The following ANKRD12 variants were observed in gnomAD, a reference collection of about 807,000 sequenced individuals.
ANKRD12 encodes the protein ankyrin repeat domain-containing protein 12.
A neutral mutation model predicts 183.4 loss-of-function variants in ANKRD12; 85 were observed. That is an observed-to-expected ratio of 0.46 (90% CI 0.39 to 0.56). The LOEUF is 0.56. ANKRD12 is among the 20% of genes least tolerant of loss of function. The probability of loss-of-function intolerance (pLI) is 0.00; values close to 1 mark genes in which losing one functional copy is unlikely to be tolerated. For missense variants in ANKRD12, 2,405 were observed against 2,357.1 expected, an observed-to-expected ratio of 1.02 and a Z score of -0.42; for synonymous variants, 914 against 800.2, an observed-to-expected ratio of 1.14 and a Z score of -2.40.
At chr18:9,280,723 A>C (rs989026649) in intron 12 of ANKRD12, among the ~76,000 whole-genome samples, 7 of 152,022 alleles carry the variant, frequency 4.6e-5, no homozygotes, top group Non-Finnish European at 7.4e-5. Context: ...CAGGAGGCGG[A>C]GGTTGCAGTG....
At chr18:9,187,874 C>A (rs572261317) in intron 2 of ANKRD12, among the ~76,000 whole-genome samples, 1 of 152,174 alleles carries the variant, frequency 6.6e-6, no homozygotes, top group African/African-American at 2.4e-5. Flanking sequence ...ATATCCTTTT[C>A]GTCATCAGTG....
chr18:9,269,663 C>A (rs2039491613), intron 10 of ANKRD12, among the ~76,000 whole-genome samples: 1 of 152,070 alleles, frequency 6.6e-6, no homozygotes, highest in African/African-American at 2.4e-5. Flanking sequence ...AAACCATAAA[C>A]ACCCTAGAAG....
chr18:9,160,122 T>G (rs2031202221), intron 1 of ANKRD12, among the ~76,000 whole-genome samples: 1 of 151,844 alleles, frequency 6.6e-6, no homozygotes, highest in Admixed American at 6.6e-5. Flanking sequence ...ATACAAAATA[T>G]TAGCTGGGTG....
intron 10 of ANKRD12, among the ~76,000 whole-genome samples, chr18:9,270,769 TA>T (rs2039559821): frequency 6.6e-6 from 1 of 152,104 alleles, no homozygotes; most frequent in Admixed American, 6.6e-5. Context: ...AAGTATAATA[TA>T]AAAAATAAAT....
intron 8 of ANKRD12, among the ~76,000 whole-genome samples, chr18:9,240,839 G>A (rs751142783): frequency 3.3e-5 from 5 of 152,120 alleles, no homozygotes; most frequent in South Asian, 2.1e-4. Context: ...TACTGAGTGC[G>A]TTTCTGTGTC....
chr18:9,188,532 G>C (rs2034254718), intron 2 of ANKRD12, among the ~76,000 whole-genome samples: 1 of 152,210 alleles, frequency 6.6e-6, no homozygotes, highest in Admixed American at 6.5e-5. Context: ...CCTACAGATA[G>C]CTATTAACAT....
chr18:9,182,524 A>G lies in ANKRD12; in HGVS notation c.87+5A>G, dbSNP rs1479265792. 10 of 1,543,792 alleles carry G rather than the reference A, an allele frequency of 6.5e-6. No homozygotes were observed. In the South Asian group the frequency reaches 1.1e-4, roughly 17 times the overall value. Reference sequence around the variant, plus strand: ...GAGAAACCATATGGAAGAAAGGTATATGATTATACTAAAGATTTGTTGACT... The same window carrying G: ...GAGAAACCATATGGAAGAAAGGTATGTGATTATACTAAAGATTTGTTGACT... On this transcript the variant is annotated splice_donor_5th_base_variant and intron_variant, in intron 2 of 12. Coordinates refer to ENST00000262126, the MANE Select transcript of ANKRD12 (RefSeq NM_015208.5).
chr18:9,263,126 C>T (rs969808835), intron 9 of ANKRD12, among the ~76,000 whole-genome samples: 3 of 152,068 alleles, frequency 2.0e-5, no homozygotes, highest in South Asian at 2.1e-4. Flanking sequence ...TGCAGTTACA[C>T]GCATAGATTG....
chr18:9,253,296 TTCTA>T (rs777037582), intron 8 of ANKRD12, among the ~76,000 whole-genome samples: 19 of 152,198 alleles, frequency 1.2e-4, no homozygotes, highest in African/African-American at 3.1e-4. Context: ...ATCTAATTTA[TTCTA>T]TCTAACTGTA....
intron 12 of ANKRD12, among the ~76,000 whole-genome samples, 179 bp downstream of exon 12, chr18:9,279,823 T>C (rs2040025079): frequency 6.6e-6 from 1 of 152,126 alleles, no homozygotes; most frequent in South Asian, 2.1e-4. Flanking sequence ...GGACTAGTTG[T>C]AGTATGAAAG....
Position 9,184,138 on chromosome 18 carries a change from G to A in ANKRD12, c.87+1619G>A, listed in dbSNP as rs144410657. 1.3e-3 allele frequency among the ~76,000 whole-genome samples: 192 copies of A among 152,160 alleles called. 1 individual carries two copies. The highest frequency in any genetic ancestry group is 6.8e-3 in the Middle Eastern group (2 of 294). On this transcript the variant is annotated intron_variant, in intron 2 of 12. Transcript: ENST00000262126. ...TAACATCGATTACATCTAGATATGT[G>A]ATTAACCCAACAAAAGAATGTTATA...
chr18:9,269,967 C>T (rs1457274168), intron 10 of ANKRD12, among the ~76,000 whole-genome samples: 5 of 152,202 alleles, frequency 3.3e-5, no homozygotes, highest in Non-Finnish European at 5.9e-5. Flanking sequence ...TGAACAGACA[C>T]TTCTCAAAAG....
chr18:9,218,760 C>T (rs1010087731), intron 7 of ANKRD12, among the ~76,000 whole-genome samples: 51 of 151,670 alleles, frequency 3.4e-4, no homozygotes, highest in African/African-American at 1.2e-3. Flanking sequence ...GCCTCAACCT[C>T]GTGGGCTCAA....
At chr18:9,177,628 C>T (rs1004745376) in intron 1 of ANKRD12, among the ~76,000 whole-genome samples, 12 of 151,940 alleles carry the variant, frequency 7.9e-5, no homozygotes, top group African/African-American at 2.9e-4. Context: ...AAATATATGA[C>T]CTATTGTTGT....
chr18:9,162,070 A>G (rs2031497191), intron 1 of ANKRD12, among the ~76,000 whole-genome samples: 1 of 152,022 alleles, frequency 6.6e-6, no homozygotes, highest in Non-Finnish European at 1.5e-5. Flanking sequence ...GTACATGTGC[A>G]GTATGTGCAG....
chr18:9,256,648 G>A lies in ANKRD12; in HGVS notation c.3381G>A (p.Lys1127=). Residue 1127 remains lysine (K), a synonymous_variant, in exon 9 of 13, where the codon AAG becomes AAA. Coordinates refer to ENST00000262126, the MANE Select transcript of ANKRD12 (RefSeq NM_015208.5). ...ELKIKDKEKT[K]HTPTESKNKE... is the part of the protein sequence containing the mutation. The stretch of plus-strand genomic sequence containing the variant: ...AAATAAAAGATAAAGAAAAAACAAA[G>A]CATACACCAACTGAATCCAAAAATA... 1.2e-6 allele frequency: 2 copies of A among 1,608,738 alleles called. No homozygotes were observed. The highest frequency in any genetic ancestry group is 2.2e-5 in the East Asian group (1 of 44,836).
chr18:9,246,121 AATGCTTATTTTC>A (rs565815055), intron 8 of ANKRD12, among the ~76,000 whole-genome samples: 39 of 152,292 alleles, frequency 2.6e-4, no homozygotes, highest in Non-Finnish European at 4.6e-4. Context: ...ACCTTTTACT[AATGCTTATTTTC>A]AGTGAAAAGT....
chr18:9,149,866 A>ACTCACTGCAAC, intron 1 of ANKRD12, among the ~76,000 whole-genome samples: 1 of 147,028 alleles, frequency 6.8e-6, no homozygotes, highest in Non-Finnish European at 1.5e-5. Flanking sequence ...TGCAATCTGG[A>ACTCACTGCAAC]CTCACTGCAA....
chr18:9,195,507 T>A (rs763176725), intron 2 of ANKRD12, 44 bp from the exon 3 acceptor site: 1 of 1,464,980 alleles, frequency 6.8e-7, no homozygotes, highest in African/African-American at 1.4e-5. Context: ...CTGTATTGCT[T>A]AGCTAATATT....
Sources: allele counts gnomAD v4.1 joint callset (sites outside exome capture counted in the v4.1 genomes callset), GRCh38; gene constraint gnomAD v4.1.1; transcripts MANE v1.5; gene names NCBI Gene and HGNC (gene_info 2026-07-23, HGNC 2026-07-21).